The following DHDDS variants were observed in gnomAD, a reference collection of about 807,000 sequenced individuals.
The protein encoded by DHDDS is dehydrodolichyl diphosphate synthase complex subunit DHDDS.
Under a neutral mutation model 46.2 loss-of-function variants are expected in DHDDS, and 16 were observed. That is an observed-to-expected ratio of 0.35 (90% CI 0.23 to 0.53). The LOEUF is 0.53. Among genes scored for constraint, DHDDS ranks in the 20% least tolerant of loss-of-function variants. The probability of loss-of-function intolerance (pLI) is 0.94; values close to 1 mark genes in which losing one functional copy is unlikely to be tolerated. For missense variants in DHDDS, 340 were observed against 423.7 expected (o/e 0.80, Z 1.73); for synonymous variants, 151 against 163.1 (o/e 0.93, Z 0.56).
At chr1:26,446,122 C>T (rs528140646) in intron 4 of DHDDS, among the ~76,000 whole-genome samples, 194 bp from the exon 5 acceptor site, 2 of 152,322 alleles carry the variant, frequency 1.3e-5, no homozygotes, top group East Asian at 3.9e-4. Flanking sequence ...ATCTGACTGT[C>T]CTGTCTGAGC....
chr1:26,457,855 T>A lies in DHDDS; in HGVS notation c.607T>A (p.Leu203Met). The A allele has an allele frequency of 6.2e-7, 1 of 1,614,040 alleles. No homozygotes were observed. Among genetic ancestry groups the A allele is most frequent in the Non-Finnish European group, 8.5e-7 (1 of 1,179,996 alleles). The change falls in exon 7 of 9, where the codon TTG becomes ATG. Residue 203 changes from leucine (L) to methionine (M), a missense_variant. Transcript: ENST00000236342. ...CAACCGCTCTCCTCATCCTGACATC[T>A]TGATACGGACTTCTGGAGAAGTGCG... ...YTNRSPHPDI[L>M]IRTSGEVRLS...
chr1:26,457,708 TATGGA>T, intron 6 of DHDDS, 78 bp from the exon 7 acceptor site: 1 of 1,028,432 alleles, frequency 9.7e-7, no homozygotes, highest in Non-Finnish European at 1.5e-6. Flanking sequence ...GAAGCCTATA[TATGGA>T]AGTTCACCAT....
At chr1:26,449,219 T>C (rs1396849610) in intron 6 of DHDDS, among the ~76,000 whole-genome samples, 1 of 151,622 alleles carries the variant, frequency 6.6e-6, no homozygotes, top group East Asian at 1.9e-4. Flanking sequence ...CCACCTCAGC[T>C]TCCCAAGTAG....
At chr1:26,457,243 G>A (rs563712544) in intron 6 of DHDDS, among the ~76,000 whole-genome samples, 1 of 150,968 alleles carries the variant, frequency 6.6e-6, no homozygotes, top group South Asian at 2.1e-4. Context: ...GGCGGATCAC[G>A]AGGTCAGGAG....
intron 6 of DHDDS, among the ~76,000 whole-genome samples, chr1:26,451,617 G>A (rs914543366): frequency 2.1e-4 from 32 of 151,004 alleles, no homozygotes; most frequent in African/African-American, 6.1e-4. Context: ...CACCACACCC[G>A]GCTATTTTTT....
chr1:26,441,399 C>T (rs1179000513), intron 3 of DHDDS, among the ~76,000 whole-genome samples: 1 of 151,744 alleles, frequency 6.6e-6, no homozygotes, highest in African/African-American at 2.4e-5. Flanking sequence ...GGGGTTTCAC[C>T]ATGTTGGCCA....
rs201199996 is a variant in DHDDS at position 26,449,572 on chromosome 1, T to C, written c.542+1912T>C. 1.4e-4 allele frequency among the ~76,000 whole-genome samples: 22 copies of C among 151,988 alleles called. No individual in the cohort carries two copies. The East Asian group carries it at 4.3e-3, about 29-fold the overall frequency. The stretch of plus-strand genomic sequence containing the variant: ...TGTGCCACCATGCTCAGCTAATTCT[T>C]TTTTTGGAGACAGAGTCTCACTCTT... On this transcript the variant is annotated intron_variant, in intron 6 of 8. Transcript: ENST00000236342.
chr1:26,444,463 G>A (rs1431144394), intron 4 of DHDDS, among the ~76,000 whole-genome samples: 4 of 152,234 alleles, frequency 2.6e-5, no homozygotes. Flanking sequence ...AAGAGGTTGA[G>A]CAAGGTGGCT....
intron 4 of DHDDS, among the ~76,000 whole-genome samples, chr1:26,445,172 G>A (rs1183038314): frequency 6.6e-6 from 1 of 152,154 alleles, no homozygotes; most frequent in Non-Finnish European, 1.5e-5. Flanking sequence ...ATAACTCAGA[G>A]GTTGGTGTAA....
intron 6 of DHDDS, among the ~76,000 whole-genome samples, chr1:26,451,967 G>T (rs562444595): frequency 6.6e-6 from 1 of 151,874 alleles, no homozygotes; most frequent in African/African-American, 2.4e-5. Context: ...GGCTGATCTC[G>T]AACTCCTGAC....
At chr1:26,458,014 T>C in intron 7 of DHDDS, 109 bp downstream of exon 7, 1 of 929,018 alleles carries the variant, frequency 1.1e-6, no homozygotes, top group Non-Finnish European at 1.7e-6. Flanking sequence ...GGGGCCAGAG[T>C]ACTTCTGGGG....
intron 2 of DHDDS, among the ~76,000 whole-genome samples, chr1:26,435,721 T>C (rs1190508304): frequency 1.3e-5 from 2 of 151,994 alleles, no homozygotes; most frequent in Non-Finnish European, 2.9e-5. Flanking sequence ...TTCAAGCAGT[T>C]CTCCTGCCTC....
At chr1:26,460,245 A>T (rs1223193806) in intron 8 of DHDDS, 101 bp downstream of exon 8, 1 of 895,240 alleles carries the variant, frequency 1.1e-6, no homozygotes, top group Non-Finnish European at 1.9e-6. Flanking sequence ...TCCTAATAAG[A>T]TGATGATAAT....
rs775361226 is a variant in DHDDS, at chr1:26,446,369, T to C, written c.377T>C (p.Leu126Ser). Residue 126 changes from leucine (L) to serine (S), a missense_variant, in exon 5 of 9, where the codon TTG becomes TCG. Coordinates refer to ENST00000236342, the MANE Select transcript of DHDDS (RefSeq NM_205861.3). ...ATCCGGGTCCTGGGCGATCTGCACT[T>C]GTTGCCCTTGGATCTCCAGGAGCTG... is the stretch of plus-strand genomic sequence containing the variant. ...VCIRVLGDLH[L>S]LPLDLQELIA... 4.1e-5 allele frequency: 66 copies of C among 1,613,932 alleles called. 3 individuals are homozygous for C. In the South Asian group the frequency reaches 7.1e-4, roughly 17 times the overall value.
chr1:26,458,902 C>T (rs1167114290), intron 7 of DHDDS, among the ~76,000 whole-genome samples: 1 of 152,068 alleles, frequency 6.6e-6, no homozygotes, highest in East Asian at 1.9e-4. Flanking sequence ...CATTGACAAA[C>T]TTGAGGACTT....
intron 4 of DHDDS, among the ~76,000 whole-genome samples, chr1:26,445,690 G>A (rs1347759000): frequency 6.6e-6 from 1 of 151,920 alleles, no homozygotes; most frequent in African/African-American, 2.4e-5. Context: ...CTCCAGCCTG[G>A]GTGAGAGTAA....
rs182263884 is a variant in DHDDS at position 26,468,946 on chromosome 1, G to A, written c.817G>A (p.Asp273Asn). 6.2e-7 allele frequency: 1 copy of A among 1,614,166 alleles called. No homozygotes were observed. Among genetic ancestry groups the A allele is most frequent in the Admixed American group, 1.7e-5 (1 of 60,026 alleles). ...EERKRQQLER[D>N]QATVTEQLLR... ...GCGGAAGAGGCAGCAGCTGGAGAGGGACCAGGCTACAGTGACAGAGCAGCT... is the reference window on the plus strand; with the variant it reads ...GCGGAAGAGGCAGCAGCTGGAGAGGAACCAGGCTACAGTGACAGAGCAGCT... Residue 273 changes from aspartate to asparagine, a missense_variant, in exon 9 of 9, where the codon GAC (aspartate) becomes AAC (asparagine). This residue lies in a region of DHDDS where 268 missense variants were observed against 300.3 expected (regional missense o/e 0.89). Transcript: ENST00000236342.
chr1:26,457,444 TG>T (rs1382516130), intron 6 of DHDDS, among the ~76,000 whole-genome samples: 2 of 151,558 alleles, frequency 1.3e-5, no homozygotes, highest in Non-Finnish European at 2.9e-5. Context: ...CACTCCAGCC[TG>T]GGGAACAGTG....
intron 2 of DHDDS, 91 bp downstream of exon 2, chr1:26,433,099 C>A: frequency 7.4e-7 from 1 of 1,352,654 alleles, no homozygotes; most frequent in Non-Finnish European, 1.1e-6. Context: ...ATGTTAAGTG[C>A]AATTCATGAT....
Sources: gnomAD v4.1 joint callset for allele counts (sites outside exome capture counted in the v4.1 genomes callset) on GRCh38, gnomAD v4.1.1 for gene constraint, gnomAD v4.1.1 regional missense constraint, MANE v1.5 for transcripts, NCBI Gene and HGNC (gene_info 2026-07-23, HGNC 2026-07-21) for gene names.